The following ACSL5 variants were observed in gnomAD, a reference collection of about 807,000 sequenced individuals.
ACSL5 encodes the protein acyl-CoA synthetase long chain family member 5, also known as long-chain-fatty-acid--CoA ligase 5.
A neutral mutation model predicts 84.9 loss-of-function variants in ACSL5; 50 were observed. The observed-to-expected ratio is 0.59, with a 90% CI of 0.47 to 0.75. The LOEUF (loss-of-function observed/expected upper bound fraction) is 0.75, where lower values mean the gene tolerates loss of function less well. Ranked by LOEUF, ACSL5 falls within the 30% of genes least tolerant of loss-of-function variation. The pLI, the probability that ACSL5 is intolerant of heterozygous loss-of-function variation, is 0.00. For missense variants in ACSL5, 775 were observed against 830.4 expected (o/e 0.93, Z 0.82); for synonymous variants, 280 against 300.7 (o/e 0.93, Z 0.71).
intron 1 of ACSL5, among the ~76,000 whole-genome samples, chr10:112,376,727 C>G (rs569798808): frequency 6.6e-6 from 1 of 152,182 alleles, no homozygotes; most frequent in Non-Finnish European, 1.5e-5. Flanking sequence ...ACAGAGACCT[C>G]TTTTTGTGGG....
chr10:112,426,764 T>G, intron 19 of ACSL5, 24 bp from the exon 20 acceptor site: 1 of 1,608,970 alleles, frequency 6.2e-7, no homozygotes, highest in Non-Finnish European at 8.5e-7. Flanking sequence ...CAGCCATGCT[T>G]TAAGTGATGT....
chr10:112,410,585 C>A lies in ACSL5; in HGVS notation c.746C>A (p.Pro249His). The change falls in exon 9 of 21, where the codon CCT becomes CAT. Residue 249 changes from proline to histidine, a missense_variant and splice_region_variant. Pro to His is a moderately conservative substitution (Grantham distance 77). Transcript: ENST00000354655. ...AAGCCCTTGTGCTTCCTCCTCCAGC[C>A]TCCTAGCCCAGAAGACCTGAGCGTC... ...LGKEHFRKPV[P>H]PSPEDLSVIC... is the part of the protein sequence containing the mutation. The A allele has an allele frequency of 6.2e-7, 1 of 1,614,118 alleles. No homozygotes were observed. Among genetic ancestry groups the A allele is most frequent in the African/African-American group, 1.3e-5 (1 of 75,034 alleles).
intron 12 of ACSL5, among the ~76,000 whole-genome samples, chr10:112,415,944 C>A (rs952671313): frequency 1.3e-5 from 2 of 152,090 alleles, no homozygotes; most frequent in Non-Finnish European, 2.9e-5. Flanking sequence ...AATGTAGGGT[C>A]ACAGTGAGGT....
intron 1 of ACSL5, among the ~76,000 whole-genome samples, chr10:112,394,215 A>G (rs1045798822): frequency 3.9e-5 from 6 of 152,164 alleles, no homozygotes; most frequent in African/African-American, 1.4e-4. Context: ...AATGCTCACC[A>G]CGTGTCATCC....
intron 5 of ACSL5, among the ~76,000 whole-genome samples, chr10:112,405,819 T>C (rs1471362036): frequency 2.0e-5 from 3 of 152,166 alleles, no homozygotes; most frequent in Non-Finnish European, 4.4e-5. Context: ...TCTTACAATA[T>C]AGTAAGCTAG....
Position 112,425,357 on chromosome 10 carries a change from T to A in ACSL5, c.1613T>A (p.Ile538Asn). ...RWLPNGTLKI[I>N]DRKKNIFKLA... is the part of the protein sequence containing the mutation. The stretch of plus-strand genomic sequence containing the variant: ...ATGTAGAATGGAACTCTGAAGATCA[T>A]CGACCGTAAAAAGAACATTTTCAAG... The change falls in exon 18 of 21, where the codon ATC (isoleucine) becomes AAC (asparagine). Residue 538 changes from isoleucine (I) to asparagine (N), a missense_variant. Physicochemically the swap from Ile to Asn is moderately radical, Grantham distance 149. Transcript: ENST00000354655. The A allele has an allele frequency of 6.2e-7, 1 of 1,612,764 alleles. No individual in the cohort carries two copies. Among genetic ancestry groups the A allele is most frequent in the African/African-American group, 1.3e-5 (1 of 74,916 alleles).
chr10:112,375,740 G>C (rs1399906596), intron 1 of ACSL5, among the ~76,000 whole-genome samples: 2 of 152,200 alleles, frequency 1.3e-5, no homozygotes, highest in Non-Finnish European at 2.9e-5. Context: ...GACTGTATCA[G>C]AGGGAAAGAA....
At chr10:112,381,866 C>T (rs960305917) in intron 1 of ACSL5, among the ~76,000 whole-genome samples, 2 of 151,922 alleles carry the variant, frequency 1.3e-5, no homozygotes, top group Non-Finnish European at 2.9e-5. Flanking sequence ...ACTCAGGAGG[C>T]TGAGACAAAA....
chr10:112,411,955 TC>T lies in ACSL5; in HGVS notation c.925del (p.His309IlefsTer32), dbSNP rs752465971. On this transcript the variant is annotated frameshift_variant, in exon 11 of 21. Coordinates refer to ENST00000354655, the MANE Select transcript of ACSL5 (RefSeq NM_203379.2). LOFTEE classifies it high-confidence loss of function. ...DVAISYLPLA[H>X]MFERIVQAVV... is the part of the protein sequence containing the mutation. ...TGGCCATATCCTACCTCCCTCTGGC[TC>T]ATATGTTTGAGAGGATTGTACAGGT... The T allele has an allele frequency of 6.2e-7, 1 of 1,613,858 alleles. No homozygotes were observed. The highest frequency in any genetic ancestry group is 1.1e-5 in the South Asian group (1 of 91,066).
At chr10:112,389,839 C>T (rs1849522082) in intron 1 of ACSL5, among the ~76,000 whole-genome samples, 3 of 152,158 alleles carry the variant, frequency 2.0e-5, no homozygotes, top group Admixed American at 2.0e-4. Context: ...TTAGTTTCTT[C>T]CACTTAAACA....
intron 12 of ACSL5, 89 bp downstream of exon 12, chr10:112,413,396 T>A: frequency 6.9e-7 from 1 of 1,452,642 alleles, no homozygotes; most frequent in Admixed American, 1.8e-5. Context: ...CACCTCTACC[T>A]CCACCCTCTA....
chr10:112,398,507 C>G (rs1843797132), intron 2 of ACSL5, among the ~76,000 whole-genome samples: 1 of 152,058 alleles, frequency 6.6e-6, no homozygotes, highest in African/African-American at 2.4e-5. Flanking sequence ...CCGGTTCAAG[C>G]CATTCTCCTG....
intron 12 of ACSL5, among the ~76,000 whole-genome samples, chr10:112,416,249 A>G (rs896912923): frequency 2.8e-4 from 43 of 152,166 alleles, no homozygotes; most frequent in Non-Finnish European, 5.9e-5. Context: ...AGGCGGGCAG[A>G]TCACGAGGTC....
At position 112,427,317 on chromosome 10, in the gene ACSL5, C is replaced by T. The variant is rs144968365; in HGVS notation, c.2011C>T (p.Arg671Trp). The T allele has an allele frequency of 2.7e-5, 44 of 1,613,620 alleles. No homozygotes were observed. Among genetic ancestry groups the T allele is most frequent in the African/African-American group, 6.7e-5 (5 of 74,856 alleles). Reference protein sequence around the residue: ...AKRGELSKYFRTQIDSLYEHI... With the variant: ...AKRGELSKYFWTQIDSLYEHI... The stretch of plus-strand genomic sequence containing the variant: ...GCGAGGAGAGCTTTCCAAATACTTT[C>T]GGACCCAAATTGACAGCCTGTATGA... Residue 671 changes from arginine (R) to tryptophan (W), a missense_variant, in exon 21 of 21, where the codon CGG becomes TGG. Coordinates refer to ENST00000354655, the MANE Select transcript of ACSL5 (RefSeq NM_203379.2).
intron 11 of ACSL5, 56 bp from the exon 12 acceptor site, chr10:112,413,117 G>A (rs976128408): frequency 6.3e-7 from 1 of 1,592,924 alleles, no homozygotes; most frequent in Non-Finnish European, 8.6e-7. Flanking sequence ...TCCAAGACAG[G>A]TCCCCACTAA....
Position 112,410,457 on chromosome 10 carries a change from A to C in ACSL5, c.712-6A>C, listed in dbSNP as rs760425566. ...GTCTTTCTTTCTTGGTTTTCCATTCACATAGAACCTAGGCAAAGAGCACTT... is the reference window on the plus strand; with the variant it reads ...GTCTTTCTTTCTTGGTTTTCCATTCCCATAGAACCTAGGCAAAGAGCACTT... On this transcript the variant is annotated splice_region_variant and splice_polypyrimidine_tract_variant and intron_variant, in intron 7 of 20. Transcript: ENST00000354655. 3.1e-6 allele frequency: 5 copies of C among 1,614,034 alleles called. No individual in the cohort carries two copies. In the African/African-American group the frequency reaches 6.7e-5, roughly 22 times the overall value.
chr10:112,378,227 GTTTTTTTTTTTTTTTTTTT>G (rs144322644), intron 1 of ACSL5, among the ~76,000 whole-genome samples: 3 of 56,782 alleles, frequency 5.3e-5, no homozygotes, highest in African/African-American at 7.6e-5. Flanking sequence ...TCTTCTTCTT[GTTTTTTTTTTTTTTTTTTT>G]TTTTTTTTTT....
chr10:112,382,861 A>T (rs950051300), intron 1 of ACSL5, among the ~76,000 whole-genome samples: 1 of 152,214 alleles, frequency 6.6e-6, no homozygotes, highest in African/African-American at 2.4e-5. Context: ...ATCGAATTGA[A>T]TCTTTCCATG....
At chr10:112,411,027 A>G (rs1844164766) in intron 9 of ACSL5, among the ~76,000 whole-genome samples, 3 of 152,148 alleles carry the variant, frequency 2.0e-5, no homozygotes, top group Admixed American at 1.3e-4. Flanking sequence ...AGAATGCTTA[A>G]TAGTTTTTAA....
Sources: gnomAD v4.1 joint callset for allele counts (sites outside exome capture counted in the v4.1 genomes callset) on GRCh38, gnomAD v4.1.1 for gene constraint, MANE v1.5 for transcripts, NCBI Gene and HGNC (gene_info 2026-07-23, HGNC 2026-07-21) for gene names.